GPR26: variants seen among roughly 807,000 people sequenced by gnomAD.
The protein encoded by GPR26 is G protein-coupled receptor 26.
In GPR26, 15 loss-of-function variants were observed where a neutral mutation model predicts 23.1. The observed-to-expected ratio is 0.65, with a 90% CI of 0.43 to 1.00. The LOEUF is 1.00. Ranked by LOEUF, GPR26 falls within the 50% of genes least tolerant of loss-of-function variation. The pLI is 0.00. For missense variants in GPR26, 359 were observed against 470.5 expected, an observed-to-expected ratio of 0.76 and a Z score of 2.19; for synonymous variants, 228 against 222.1, an observed-to-expected ratio of 1.03 and a Z score of -0.24.
At chr10:123,679,365 A>G (rs1043019222) in intron 2 of GPR26, among the ~76,000 whole-genome samples, 2 of 152,190 alleles carry the variant, frequency 1.3e-5, no homozygotes, top group Non-Finnish European at 2.9e-5. Context: ...AATGGCTGGG[A>G]GAGGCACGCA....
chr10:123,676,774 TC>T (rs1209671786), intron 2 of GPR26, among the ~76,000 whole-genome samples: 1 of 151,858 alleles, frequency 6.6e-6, no homozygotes, highest in African/African-American at 2.4e-5. Context: ...AAACCTCAGC[TC>T]CCCCACATCC....
At chr10:123,669,790 C>A (rs1845230752) in intron 1 of GPR26, among the ~76,000 whole-genome samples, 1 of 152,236 alleles carries the variant, frequency 6.6e-6, no homozygotes, top group Non-Finnish European at 1.5e-5. Flanking sequence ...ACCCTCTCTT[C>A]TTAATTCAAT....
intron 2 of GPR26, among the ~76,000 whole-genome samples, chr10:123,677,745 T>C (rs1376986560): frequency 1.3e-5 from 2 of 152,102 alleles, no homozygotes; most frequent in Non-Finnish European, 2.9e-5. Context: ...GGACAAGCCT[T>C]GTGAAGTGGG....
chr10:123,690,184 G>C lies in GPR26; in HGVS notation c.*2024G>C, dbSNP rs1845476620. 6.6e-6 allele frequency: 1 copy of C among 152,140 alleles called. No homozygotes were observed. The highest frequency in any genetic ancestry group is 2.1e-4 in the South Asian group (1 of 4,818). 9.4% of individuals were successfully genotyped at this position (152,140 alleles called of 1,614,324 possible). On this transcript the variant is annotated 3_prime_UTR_variant, in exon 3 of 3. Transcript: ENST00000284674. Reference sequence around the variant, plus strand: ...ACAGACATTTGCTTCCTGGTGGCAAGTAACTGTGCACCCTCCAACATCCCA... The same window carrying C: ...ACAGACATTTGCTTCCTGGTGGCAACTAACTGTGCACCCTCCAACATCCCA...
At chr10:123,675,814 GTGTA>G (rs769339441) in intron 2 of GPR26, among the ~76,000 whole-genome samples, 1 of 74,854 alleles carries the variant, frequency 1.3e-5, no homozygotes, top group Non-Finnish European at 3.1e-5. Flanking sequence ...GTGTGTGTGT[GTGTA>G]CGTGTGTGTG....
chr10:123,681,158 G>A (rs907525628), intron 2 of GPR26, among the ~76,000 whole-genome samples: 14 of 152,116 alleles, frequency 9.2e-5, no homozygotes, highest in African/African-American at 3.4e-4. Flanking sequence ...CCATTTTAAA[G>A]ATGAGGAAAC....
At position 123,693,016 on chromosome 10, in the gene GPR26, T is replaced by G. The variant is rs1845505577; in HGVS notation, c.*4856T>G. 1 of 152,248 alleles carries G rather than the reference T, an allele frequency of 6.6e-6. No homozygotes were observed. The highest frequency in any genetic ancestry group is 2.1e-4 in the South Asian group (1 of 4,822). 9.4% of individuals were successfully genotyped at this position (152,248 alleles called of 1,614,324 possible). The stretch of plus-strand genomic sequence containing the variant: ...CCATGAAATCCCCTGCACCTCACTC[T>G]GGGCAGCTCTAGGCTCAGCAGATGT... On this transcript the variant is annotated 3_prime_UTR_variant, in exon 3 of 3. Transcript: ENST00000284674.
At chr10:123,669,712 G>T (rs1311991826) in intron 1 of GPR26, among the ~76,000 whole-genome samples, 1 of 152,158 alleles carries the variant, frequency 6.6e-6, no homozygotes, top group African/African-American at 2.4e-5. Flanking sequence ...TGCTCTACCT[G>T]CAGGATGTTT....
At chr10:123,667,150 G>C in intron 1 of GPR26, 75 bp downstream of exon 1, 1 of 1,125,542 alleles carries the variant, frequency 8.9e-7, no homozygotes, top group East Asian at 2.6e-5. Context: ...CCTAGCCCCA[G>C]GGGCTCTTTT....
rs1261282461 is a variant in GPR26 at position 123,674,606 on chromosome 10, A to G, written c.669-212A>G. 6.6e-6 allele frequency among the ~76,000 whole-genome samples: 1 copy of G among 152,168 alleles called. No homozygotes were observed. The highest frequency in any genetic ancestry group is 1.5e-5 in the Non-Finnish European group (1 of 68,022). ...TAATACACTAAAATATATGATGCAT[A>G]TTATTATTTTACACAGGAGGACCTT... is the stretch of plus-strand genomic sequence containing the variant. On this transcript the variant is annotated intron_variant, in intron 1 of 2. Coordinates refer to ENST00000284674, the MANE Select transcript of GPR26 (RefSeq NM_153442.4). The surrounding 1 kb of genome is among the most constrained non-coding windows in gnomAD (Gnocchi z 4.1).
chr10:123,682,368 G>A (rs763044109), intron 2 of GPR26, among the ~76,000 whole-genome samples: 9 of 152,136 alleles, frequency 5.9e-5, no homozygotes, highest in Non-Finnish European at 1.0e-4. Flanking sequence ...CCAAAGAGCC[G>A]CCTGCACTTG....
At chr10:123,670,343 TA>T (rs1488594321) in intron 1 of GPR26, among the ~76,000 whole-genome samples, 2 of 152,212 alleles carry the variant, frequency 1.3e-5, no homozygotes, top group Non-Finnish European at 2.9e-5. Flanking sequence ...AGCACTCACC[TA>T]ATTCAACAGA....
rs1304904138 is a variant in GPR26 at position 123,679,162 on chromosome 10, G to T, written c.782+4231G>T. ...GTAGTTGAAGATTTAACTTCTTACAGAAAATGAGCCCTTGTGGAGAATCAA... is the reference window on the plus strand; with the variant it reads ...GTAGTTGAAGATTTAACTTCTTACATAAAATGAGCCCTTGTGGAGAATCAA... On this transcript the variant is annotated intron_variant, in intron 2 of 2. Coordinates refer to ENST00000284674, the MANE Select transcript of GPR26 (RefSeq NM_153442.4). Among the ~76,000 whole-genome samples the T allele has an allele frequency of 2.6e-5, 4 of 152,198 alleles. No homozygotes were observed. In the East Asian group the frequency reaches 7.7e-4, roughly 29 times the overall value.
chr10:123,687,823 G>A (rs1845444675), intron 2 of GPR26, 106 bp from the exon 3 acceptor site: 1 of 688,868 alleles, frequency 1.5e-6, no homozygotes, highest in African/African-American at 1.8e-5. Flanking sequence ...ATTGAGGGTT[G>A]GGCTGCGAAA....
rs1429741237 is a variant in GPR26, at chr10:123,683,215, C to G, written c.783-4714C>G. Reference sequence around the variant, plus strand: ...TGAGTCAAGGAGGCCAGTGGGGCAGCCTGGCACCAGGAAGGCACATGGTCA... The same window carrying G: ...TGAGTCAAGGAGGCCAGTGGGGCAGGCTGGCACCAGGAAGGCACATGGTCA... On this transcript the variant is annotated intron_variant, in intron 2 of 2. Coordinates refer to ENST00000284674, the MANE Select transcript of GPR26 (RefSeq NM_153442.4). 3.6e-5 allele frequency among the ~76,000 whole-genome samples: 5 copies of G among 139,686 alleles called. No homozygotes were observed. The East Asian group carries it at 1.0e-3, about 28-fold the overall frequency. The allele number at this position is 139,686 out of a possible 152,430, so 91.6% of individuals were successfully genotyped here. A position where few individuals can be genotyped will look rare whatever the true frequency, so the allele number is the denominator to read the frequency against.
Position 123,689,252 on chromosome 10 carries a change from AT to A in GPR26, c.*1106del, listed in dbSNP as rs58170593. The A allele has an allele frequency of 0.36, 53,350 of 148,878 alleles. 9,719 individuals carry two copies. Among genetic ancestry groups the A allele is most frequent in the East Asian group, 0.62 (3,168 of 5,084 alleles). The allele number at this position is 148,878 out of a possible 1,614,324, so 9.2% of individuals were successfully genotyped here. A position where few individuals can be genotyped will look rare whatever the true frequency, so the allele number is the denominator to read the frequency against. On this transcript the variant is annotated 3_prime_UTR_variant, in exon 3 of 3. Coordinates refer to ENST00000284674, the MANE Select transcript of GPR26 (RefSeq NM_153442.4). ...CCCTGTGCTAATGATGAGACAGTGA[AT>A]TTTTTTTTTTTTTCGAGATGGGAGT...
At chr10:123,668,760 C>T (rs541625268) in intron 1 of GPR26, among the ~76,000 whole-genome samples, 51 of 152,262 alleles carry the variant, frequency 3.3e-4, no homozygotes, top group African/African-American at 1.1e-3. Flanking sequence ...GTTTAACTCC[C>T]GGGACTAAAG....
chr10:123,697,017 A>G lies in GPR26; in HGVS notation c.*8857A>G, dbSNP rs1426315625. 1.3e-5 allele frequency among the ~76,000 whole-genome samples: 2 copies of G among 152,258 alleles called. No homozygotes were observed. Among genetic ancestry groups the G allele is most frequent in the African/African-American group, 4.8e-5 (2 of 41,472 alleles). On this transcript the variant is annotated 3_prime_UTR_variant, in exon 3 of 3. Coordinates refer to ENST00000284674, the MANE Select transcript of GPR26 (RefSeq NM_153442.4). ...TATGCATGTGGGTGAATGTTCATGA[A>G]CACAAACAGCTACACTCGGAGTAGA...
At chr10:123,677,117 G>A (rs1324347531) in intron 2 of GPR26, among the ~76,000 whole-genome samples, 3 of 152,066 alleles carry the variant, frequency 2.0e-5, no homozygotes, top group African/African-American at 4.8e-5. Context: ...TAGGTGACAC[G>A]GCTCCAACTT....
Sources: gnomAD v4.1 joint callset for allele counts (sites outside exome capture counted in the v4.1 genomes callset) on GRCh38, gnomAD v4.1.1 for gene constraint, Gnocchi (gnomAD v3.1) non-coding constraint, MANE v1.5 for transcripts, NCBI Gene and HGNC (gene_info 2026-07-23, HGNC 2026-07-21) for gene names.